The following ITGA1 variants were observed in gnomAD, a reference collection of about 807,000 sequenced individuals.
ITGA1 encodes integrin subunit alpha 1, also known as integrin alpha-1.
A neutral mutation model predicts 145.9 loss-of-function variants in ITGA1; 85 were observed. The observed-to-expected ratio is 0.58, with a 90% CI of 0.49 to 0.70. ITGA1 has a LOEUF of 0.70. Ranked by LOEUF, ITGA1 falls within the 30% of genes least tolerant of loss-of-function variation. ITGA1 has a pLI of 0.00. For missense variants in ITGA1, 1,351 were observed against 1,418.7 expected, an observed-to-expected ratio of 0.95 and a Z score of 0.77; for synonymous variants, 520 against 495.3, an observed-to-expected ratio of 1.05 and a Z score of -0.66.
rs1391244766 is a variant in ITGA1, at chr5:52,955,513, A to G, written c.*3062A>G. 1.3e-5 allele frequency: 2 copies of G among 152,204 alleles called. No individual in the cohort carries two copies. The highest frequency in any genetic ancestry group is 2.9e-5 in the Non-Finnish European group (2 of 68,022). The allele number at this position is 152,204 out of a possible 1,614,324, so 9.4% of individuals were successfully genotyped here. On this transcript the variant is annotated 3_prime_UTR_variant, in exon 29 of 29. Coordinates refer to ENST00000282588, the MANE Select transcript of ITGA1 (RefSeq NM_181501.2). ...CCCAGTAAACATAATGCTACACAGC[A>G]CCCATTCTTTAATTTTGATTTCTAA...
At chr5:52,908,483 T>C (rs2111846155) in intron 12 of ITGA1, among the ~76,000 whole-genome samples, 1 of 152,286 alleles carries the variant, frequency 6.6e-6, no homozygotes, top group South Asian at 2.1e-4. Flanking sequence ...ACACCAGTAT[T>C]CCAGGACAAC....
intron 1 of ITGA1, among the ~76,000 whole-genome samples, chr5:52,794,724 A>G (rs1310009625): frequency 6.6e-6 from 1 of 151,844 alleles, no homozygotes; most frequent in South Asian, 2.1e-4. Context: ...TTAGCTAACT[A>G]ATCCTCCCAG....
At chr5:52,820,674 A>G (rs902731640) in intron 1 of ITGA1, among the ~76,000 whole-genome samples, 1 of 152,120 alleles carries the variant, frequency 6.6e-6, no homozygotes, top group Non-Finnish European at 1.5e-5. Context: ...GGACATACAG[A>G]CAAGCACATA....
rs1044488017 is a variant in ITGA1, at chr5:52,881,882, G to A, written c.634G>A (p.Val212Ile). The stretch of plus-strand genomic sequence containing the variant: ...TGGCTTGGTATTTCAGGTTGGAATT[G>A]TACAGTATGGAGAAAACGTGACCCA... ...IGPKQTQVGI[V>I]QYGENVTHEF... Residue 212 changes from valine to isoleucine, a missense_variant, in exon 7 of 29, where the codon GTA (valine) becomes ATA (isoleucine). Transcript: ENST00000282588. 6.2e-7 allele frequency: 1 copy of A among 1,612,504 alleles called. No homozygotes were observed.
intron 27 of ITGA1, among the ~76,000 whole-genome samples, chr5:52,946,964 C>T (rs958516051): frequency 2.6e-5 from 4 of 152,112 alleles, no homozygotes; most frequent in Non-Finnish European, 2.9e-5. Context: ...CAACAAACTG[C>T]GACATTCCAA....
intron 1 of ITGA1, among the ~76,000 whole-genome samples, chr5:52,826,223 G>A (rs1237827687): frequency 6.6e-6 from 1 of 152,160 alleles, no homozygotes; most frequent in Non-Finnish European, 1.5e-5. Flanking sequence ...AGTGGTCTGG[G>A]AAGGTCAAAC....
At chr5:52,808,689 T>TTTTC in intron 1 of ITGA1, among the ~76,000 whole-genome samples, 3 of 144,654 alleles carry the variant, frequency 2.1e-5, no homozygotes, top group African/African-American at 7.6e-5. Flanking sequence ...TTTTTTTTTT[T>TTTTC]TTTTTTTTGT....
intron 2 of ITGA1, among the ~76,000 whole-genome samples, chr5:52,854,262 A>G (rs1749473028): frequency 6.6e-6 from 1 of 152,150 alleles, no homozygotes; most frequent in Non-Finnish European, 1.5e-5. Flanking sequence ...CTGTGTTGTA[A>G]AAGAAAAAAG....
At chr5:52,946,582 G>A (rs1405188006) in intron 27 of ITGA1, among the ~76,000 whole-genome samples, 1 of 152,186 alleles carries the variant, frequency 6.6e-6, no homozygotes, top group East Asian at 1.9e-4. Flanking sequence ...CAAATACAGG[G>A]CTTGAACTAT....
chr5:52,803,371 A>AAGAATAT (rs1748526957), intron 1 of ITGA1: 1 of 152,210 alleles, frequency 6.6e-6, no homozygotes, highest in African/African-American at 2.4e-5. Context: ...ATAATTTAAT[A>AAGAATAT]AGAATATAGA....
In ITGA1 at chr5:52,787,919, C is replaced by T. The variant is rs1429748095; in HGVS notation, c.-435C>T. ...CCCTCCCGAAGGTCCAGCCCTTACC[C>T]GCCTTCCTACCACCTTAGGGGATTT... On this transcript the variant is annotated 5_prime_UTR_variant, in exon 1 of 29. Coordinates refer to ENST00000282588, the MANE Select transcript of ITGA1 (RefSeq NM_181501.2). 52 of 158,716 alleles carry T rather than the reference C, an allele frequency of 3.3e-4. No individual in the cohort carries two copies. Among genetic ancestry groups the T allele is most frequent in the African/African-American group, 2.4e-5 (1 of 41,776 alleles). 9.8% of individuals were successfully genotyped at this position (158,716 alleles called of 1,614,324 possible). A position where few individuals can be genotyped will look rare whatever the true frequency, so the allele number is the denominator to read the frequency against.
rs757908946 is a variant in ITGA1 at position 52,910,271 on chromosome 5, G to A, written c.1709G>A (p.Arg570His). The A allele has an allele frequency of 8.1e-6, 13 of 1,613,816 alleles. No individual in the cohort carries two copies. Among genetic ancestry groups the A allele is most frequent in the Admixed American group, 3.3e-5 (2 of 59,968 alleles). Residue 570 changes from arginine (R) to histidine (H), a missense_variant, in exon 14 of 29, where the codon CGT becomes CAT. Arg to His is a conservative substitution (Grantham distance 29). Transcript: ENST00000282588. ...AACAAAAATGAGCCATGCGGGGCTCGTTTTGGAACTGCAATTGCTGCTGTA... is the reference window on the plus strand; with the variant it reads ...AACAAAAATGAGCCATGCGGGGCTCATTTTGGAACTGCAATTGCTGCTGTA... ...TENKNEPCGARFGTAIAAVKD... is the reference protein window; with the variant it reads ...TENKNEPCGAHFGTAIAAVKD...
intron 1 of ITGA1, among the ~76,000 whole-genome samples, chr5:52,808,676 C>CTTTCTTTTTTTT (rs1554041033): frequency 6.0e-3 from 416 of 69,390 alleles, no homozygotes; most frequent in Middle Eastern, 0.015. Context: ...TTCTTTCTTT[C>CTTTCTTTTTTTT]TTTTTTTTTT....
chr5:52,923,752 T>TC (rs140464940), intron 18 of ITGA1, among the ~76,000 whole-genome samples: 2,554 of 152,278 alleles, frequency 0.017, 72 homozygotes, highest in African/African-American at 0.052. Flanking sequence ...GAAAGAAATC[T>TC]CCCCCATTAT....
At chr5:52,908,069 G>T (rs187781513) in intron 12 of ITGA1, among the ~76,000 whole-genome samples, 1 of 152,148 alleles carries the variant, frequency 6.6e-6, no homozygotes, top group East Asian at 1.9e-4. Flanking sequence ...ATGGAAAAAG[G>T]CTACAGGTCT....
At chr5:52,846,881 A>C (rs976408189) in intron 1 of ITGA1, among the ~76,000 whole-genome samples, 1 of 151,920 alleles carries the variant, frequency 6.6e-6, no homozygotes, top group African/African-American at 2.4e-5. Flanking sequence ...TTCTATCTCC[A>C]TAAAATCTTC....
intron 1 of ITGA1, among the ~76,000 whole-genome samples, chr5:52,794,854 G>C (rs1242470785): frequency 6.6e-6 from 1 of 151,682 alleles, no homozygotes; most frequent in Non-Finnish European, 1.5e-5. Flanking sequence ...TGGAGCTCTG[G>C]CTTCTTATTT....
intron 9 of ITGA1, among the ~76,000 whole-genome samples, chr5:52,896,374 C>T (rs1416289934): frequency 6.6e-6 from 1 of 152,142 alleles, no homozygotes; most frequent in Non-Finnish European, 1.5e-5. Flanking sequence ...ACTGAAAATA[C>T]ATGTTTAAAT....
chr5:52,893,844 T>C lies in ITGA1; in HGVS notation c.1090+4T>C. On this transcript the variant is annotated splice_donor_region_variant and intron_variant, in intron 9 of 28. Coordinates refer to ENST00000282588, the MANE Select transcript of ITGA1 (RefSeq NM_181501.2). The stretch of plus-strand genomic sequence containing the variant: ...GAAAGAATATTTGCCCTGGAAGGTA[T>C]GTCTATTTATCTTATTGCTGCATGT... 6.2e-7 allele frequency: 1 copy of C among 1,605,282 alleles called. No individual in the cohort carries two copies. The highest frequency in any genetic ancestry group is 8.5e-7 in the Non-Finnish European group (1 of 1,173,414).
Sources: allele counts gnomAD v4.1 joint callset (sites outside exome capture counted in the v4.1 genomes callset), GRCh38; gene constraint gnomAD v4.1.1; transcripts MANE v1.5; gene names NCBI Gene and HGNC (gene_info 2026-07-23, HGNC 2026-07-21).